The following SH2D2A variants were observed in gnomAD, a reference collection of about 807,000 sequenced individuals.
The protein encoded by SH2D2A is SH2 domain-containing protein 2A.
SH2D2A carries 33 observed loss-of-function variants against 43.6 expected under a neutral mutation model. The ratio of observed to expected loss-of-function variants is 0.76; its 90% confidence interval spans 0.57 to 1.01. The LOEUF (loss-of-function observed/expected upper bound fraction) is 1.01, where lower values mean the gene tolerates loss of function less well. SH2D2A is among the 50% of genes least tolerant of loss of function. The pLI is 0.00. For synonymous variants in SH2D2A, 212 were observed against 206.1 expected, an observed-to-expected ratio of 1.03 and a Z score of -0.25; for missense variants, 491 against 503.1, an observed-to-expected ratio of 0.98 and a Z score of 0.23.
At position 156,809,667 on chromosome 1, in the gene SH2D2A, C is replaced by A. The variant is rs1252835760; in HGVS notation, c.708G>T (p.Glu236Asp). The change falls in exon 6 of 9, where the codon GAG (glutamate) becomes GAT (aspartate). Residue 236 changes from glutamate to aspartate, a missense_variant. Glu to Asp is a conservative substitution (Grantham distance 45). Transcript: ENST00000368199. This position sits in a 1 kb window ranked among gnomAD's most constrained non-coding sequence, Gnocchi z 4.8. ...PVPMQKEGAG[E>D]KEPSQLLRPK... is the part of the protein sequence containing the mutation. ...AGCCCCTGCAGCCCAATACCTCCTT[C>A]TCCCCGGCCCCCTCTTTCTGCATCG... 1 of 1,609,532 alleles carries A rather than the reference C, an allele frequency of 6.2e-7. No homozygotes were observed. Among genetic ancestry groups the A allele is most frequent in the Non-Finnish European group, 8.5e-7 (1 of 1,178,652 alleles).
At chr1:156,813,380 C>T (rs1039220572) in intron 5 of SH2D2A, among the ~76,000 whole-genome samples, 3 of 152,072 alleles carry the variant, frequency 2.0e-5, no homozygotes, top group Admixed American at 2.0e-4. Flanking sequence ...TGGAAAATAC[C>T]AGCATTCGAG....
chr1:156,815,971 G>A (rs1571628652), intron 2 of SH2D2A, 35 bp downstream of exon 2: 1 of 223,656 alleles, frequency 4.5e-6, no homozygotes, highest in African/African-American at 2.9e-5. Flanking sequence ...AGATGAGGGA[G>A]CTGCACCACG....
intron 7 of SH2D2A, among the ~76,000 whole-genome samples, chr1:156,808,584 G>A (rs1323949440): frequency 6.6e-6 from 1 of 151,982 alleles, no homozygotes; most frequent in African/African-American, 2.4e-5. Context: ...GCTTTGGGAG[G>A]GCCGCAGAGG....
At chr1:156,811,028 G>C (rs1653375230) in intron 5 of SH2D2A, among the ~76,000 whole-genome samples, 2 of 152,158 alleles carry the variant, frequency 1.3e-5, no homozygotes, top group South Asian at 4.1e-4. Flanking sequence ...CCATCGGGAG[G>C]TGTACTGCAG....
At position 156,807,428 on chromosome 1, in the gene SH2D2A, G is replaced by A; in HGVS notation, c.1003-83C>T. ...CTTGCAGTCTCAAGACATCTGATCT[G>A]AACAGACTTTGGCTTCCAGAGAGGG... On this transcript the variant is annotated intron_variant, in intron 7 of 8. Transcript: ENST00000368199. This position sits in a 1 kb window ranked among gnomAD's most constrained non-coding sequence, Gnocchi z 5.1. 8.0e-7 allele frequency: 1 copy of A among 1,247,182 alleles called. No homozygotes were observed. The highest frequency in any genetic ancestry group is 1.1e-6 in the Non-Finnish European group (1 of 928,894). The allele number at this position is 1,247,182 out of a possible 1,614,324, so 77.3% of individuals were successfully genotyped here.
chr1:156,812,761 T>G (rs1032333311), intron 5 of SH2D2A, among the ~76,000 whole-genome samples: 1 of 152,208 alleles, frequency 6.6e-6, no homozygotes, highest in African/African-American at 2.4e-5. Context: ...TTGGTTTTCT[T>G]GTCAGTGTGT....
In SH2D2A at chr1:156,809,263, G is replaced by T. The variant is rs780618871; in HGVS notation, c.942C>A (p.Pro314=). ...IYVEVEDEGL[P]ATLGHPVLRK... is the part of the protein sequence containing the mutation. Reference sequence around the variant, plus strand: ...GTAGGACAGGGTGCCCAAGGGTGGCGGGTAGGCCCTCATCTTCCACTTCCA... The same window carrying T: ...GTAGGACAGGGTGCCCAAGGGTGGCTGGTAGGCCCTCATCTTCCACTTCCA... Residue 314 remains proline, a synonymous_variant, in exon 7 of 9, where the codon CCC becomes CCA. Transcript: ENST00000368199. The surrounding 1 kb of genome is among the most constrained non-coding windows in gnomAD (Gnocchi z 4.8). 2 of 1,614,096 alleles carry T rather than the reference G, an allele frequency of 1.2e-6. No individual in the cohort carries two copies. Among genetic ancestry groups the T allele is most frequent in the East Asian group, 4.5e-5 (2 of 44,876 alleles).
At chr1:156,815,739 C>T in intron 2 of SH2D2A, 1 of 1,437,562 alleles carries the variant, frequency 7.0e-7, no homozygotes, top group Non-Finnish European at 9.8e-7. Context: ...GCTTCTGGGA[C>T]TCAATGCACT....
At chr1:156,814,765 C>A in intron 3 of SH2D2A, 1 of 423,096 alleles carries the variant, frequency 2.4e-6, no homozygotes, top group Admixed American at 4.0e-5. Context: ...TACCAGCATT[C>A]GAGGCCTTAG....
At chr1:156,815,969 G>T in intron 2 of SH2D2A, 37 bp downstream of exon 2, 1 of 1,557,106 alleles carries the variant, frequency 6.4e-7, no homozygotes, top group Non-Finnish European at 8.7e-7. Context: ...AGAGATGAGG[G>T]AGCTGCACCA....
chr1:156,813,053 C>A (rs1653535458), intron 5 of SH2D2A, among the ~76,000 whole-genome samples: 1 of 152,186 alleles, frequency 6.6e-6, no homozygotes, highest in African/African-American at 2.4e-5. Flanking sequence ...GTTTTTGCTG[C>A]TGGAAAGTAG....
Position 156,813,891 on chromosome 1 carries a change from A to T in SH2D2A, c.524T>A (p.Leu175His). The change falls in exon 5 of 9, where the codon CTC becomes CAC. Residue 175 changes from leucine to histidine, a missense_variant. By Grantham distance (99) the Leu-to-His change is moderately conservative (BLOSUM62 -3). Transcript: ENST00000368199. ...GGTGAGCGTCTCCCCGTAGGGGCTGAGCGGGTGCGCGGTGTAGTGCAGCAG... is the reference window on the plus strand; with the variant it reads ...GGTGAGCGTCTCCCCGTAGGGGCTGTGCGGGTGCGCGGTGTAGTGCAGCAG... Reference protein sequence around the residue: ...DLLLHYTAHPLSPYGETLTEP... With the variant: ...DLLLHYTAHPHSPYGETLTEP... The T allele has an allele frequency of 6.5e-7, 1 of 1,542,682 alleles. No homozygotes were observed.
intron 1 of SH2D2A, 150 bp downstream of exon 1, chr1:156,816,525 G>T (rs970911846): frequency 1.8e-5 from 12 of 668,950 alleles, no homozygotes; most frequent in Non-Finnish European, 2.5e-6. Flanking sequence ...CCCAGGCAGG[G>T]TTGTGGTCAC....
chr1:156,806,967 G>A (rs944428354), intron 8 of SH2D2A, among the ~76,000 whole-genome samples: 7 of 152,098 alleles, frequency 4.6e-5, no homozygotes, highest in Admixed American at 6.5e-5. Context: ...TTCCAATGCA[G>A]CACTCTAGGC....
chr1:156,813,316 G>GA (rs1488718629), intron 5 of SH2D2A, among the ~76,000 whole-genome samples: 1 of 152,176 alleles, frequency 6.6e-6, no homozygotes, highest in Non-Finnish European at 1.5e-5. Flanking sequence ...ACAGGGATGG[G>GA]AAAGTAAGTA....
intron 5 of SH2D2A, among the ~76,000 whole-genome samples, chr1:156,813,607 C>G (rs1212581802): frequency 6.6e-6 from 1 of 152,226 alleles, no homozygotes. Flanking sequence ...CCTGGCCTCT[C>G]CTTGCCCCTC....
At position 156,807,428 on chromosome 1, in the gene SH2D2A, G is replaced by T; in HGVS notation, c.1003-83C>A. 1.6e-6 allele frequency: 2 copies of T among 1,247,184 alleles called. No individual in the cohort carries two copies. The highest frequency in any genetic ancestry group is 3.2e-5 in the South Asian group (2 of 62,734). The allele number at this position is 1,247,184 out of a possible 1,614,324, so 77.3% of individuals were successfully genotyped here. On this transcript the variant is annotated intron_variant, in intron 7 of 8. Transcript: ENST00000368199. The surrounding 1 kb of genome is among the most constrained non-coding windows in gnomAD (Gnocchi z 5.1). ...CTTGCAGTCTCAAGACATCTGATCT[G>T]AACAGACTTTGGCTTCCAGAGAGGG... is the stretch of plus-strand genomic sequence containing the variant.
In SH2D2A at chr1:156,807,055, C is replaced by T. The variant is rs144645755; in HGVS notation, c.*3+120G>A. On this transcript the variant is annotated intron_variant, in intron 8 of 8. Transcript: ENST00000368199. The surrounding 1 kb of genome is among the most constrained non-coding windows in gnomAD (Gnocchi z 5.1). ...CCTTGCAATAGATGATGGCTGAGCT[C>T]CTTTCCAGCTTTGAACACCTATGGT... The T allele has an allele frequency of 8.6e-6, 8 of 932,632 alleles. No homozygotes were observed. In the South Asian group the frequency reaches 1.0e-4, roughly 12 times the overall value. The allele number at this position is 932,632 out of a possible 1,614,324, so 57.8% of individuals were successfully genotyped here.
At position 156,809,849 on chromosome 1, in the gene SH2D2A, TG is replaced by T; in HGVS notation, c.568-43del. 1.2e-6 allele frequency: 2 copies of T among 1,604,732 alleles called. No individual in the cohort carries two copies. Among genetic ancestry groups the T allele is most frequent in the Non-Finnish European group, 1.7e-6 (2 of 1,176,236 alleles). On this transcript the variant is annotated intron_variant, in intron 5 of 8. Transcript: ENST00000368199. This position sits in a 1 kb window ranked among gnomAD's most constrained non-coding sequence, Gnocchi z 4.8. ...AGGTCTGAGGCACTCGGTGGAGCGT[TG>T]GGGTGGGGGAGGTGATCAGGAGGAC...
Sources: gnomAD v4.1 joint callset for allele counts (sites outside exome capture counted in the v4.1 genomes callset) on GRCh38, gnomAD v4.1.1 for gene constraint, Gnocchi (gnomAD v3.1) non-coding constraint, MANE v1.5 for transcripts, NCBI Gene and HGNC (gene_info 2026-07-23, HGNC 2026-07-21) for gene names.